LRRTM3: variants seen among roughly 807,000 people sequenced by gnomAD.
LRRTM3 encodes leucine-rich repeat transmembrane neuronal protein 3.
Under a neutral mutation model 44.7 loss-of-function variants are expected in LRRTM3, and 24 were observed. The ratio of observed to expected loss-of-function variants is 0.54; its 90% CI spans 0.39 to 0.76. LRRTM3 has a LOEUF of 0.76. Among genes scored for constraint, LRRTM3 ranks in the 30% least tolerant of loss-of-function variants. The probability of loss-of-function intolerance (pLI) is 0.00; values close to 1 mark genes in which losing one functional copy is unlikely to be tolerated. For missense variants in LRRTM3, 587 were observed against 702.2 expected (o/e 0.84, Z 1.85); for synonymous variants, 277 against 278.7 (o/e 0.99, Z 0.06).
At chr10:66,950,518 C>T (rs572087756) in intron 2 of LRRTM3, among the ~76,000 whole-genome samples, 68 of 152,104 alleles carry the variant, frequency 4.5e-4, no homozygotes, top group African/African-American at 1.6e-3. Flanking sequence ...CCTTATTTCC[C>T]TATCTTTGTC....
intron 2 of LRRTM3, among the ~76,000 whole-genome samples, chr10:66,984,991 T>G (rs1472608373): frequency 6.6e-6 from 1 of 152,154 alleles, no homozygotes; most frequent in Non-Finnish European, 1.5e-5. Context: ...TCTTCTTCAC[T>G]ACTGTTGAGC....
At chr10:67,003,643 T>G (rs1226744129) in intron 2 of LRRTM3, among the ~76,000 whole-genome samples, 2 of 152,192 alleles carry the variant, frequency 1.3e-5, no homozygotes, top group Non-Finnish European at 2.9e-5. Context: ...TCATATTACT[T>G]TTTCAAGTGA....
At chr10:66,962,274 C>G (rs1344326084) in intron 2 of LRRTM3, among the ~76,000 whole-genome samples, 1 of 152,110 alleles carries the variant, frequency 6.6e-6, no homozygotes, top group African/African-American at 2.4e-5. Context: ...CACCCACTAG[C>G]CTCTCTTTGG....
At chr10:66,948,343 G>A (rs2132709838) in intron 2 of LRRTM3, among the ~76,000 whole-genome samples, 1 of 152,258 alleles carries the variant, frequency 6.6e-6, no homozygotes, top group Admixed American at 6.5e-5. Context: ...TTTCCAACAA[G>A]CAAAATGGAC....
At chr10:67,025,338 A>C (rs753016095) in intron 2 of LRRTM3, among the ~76,000 whole-genome samples, 35 of 151,882 alleles carry the variant, frequency 2.3e-4, no homozygotes, top group Admixed American at 9.8e-4. Flanking sequence ...TGCAAAAAAA[A>C]AAACTCCTCT....
intron 2 of LRRTM3, among the ~76,000 whole-genome samples, chr10:67,008,498 A>AT (rs1202852732): frequency 6.6e-5 from 10 of 151,272 alleles, no homozygotes; most frequent in Non-Finnish European, 1.2e-4. Context: ...TGGCTATTCA[A>AT]TTTTTTTTTA....
chr10:66,928,014 A>T lies in LRRTM3; in HGVS notation c.1098A>T (p.Thr366=). 6.2e-7 allele frequency: 1 copy of T among 1,614,204 alleles called. No individual in the cohort carries two copies. ...KNYSICGKST[T]ERFDLARALP... ...ACAGCATCTGTGGCAAAAGTACTAC[A>T]GAGAGGTTTGATCTGGCCAGGGCTC... The change falls in exon 2 of 3, where the codon ACA becomes ACT. Residue 366 remains threonine, a synonymous_variant. Transcript: ENST00000361320.
intron 2 of LRRTM3, among the ~76,000 whole-genome samples, chr10:66,998,901 C>T (rs963351393): frequency 9.2e-5 from 14 of 152,180 alleles, no homozygotes; most frequent in African/African-American, 3.1e-4. Context: ...TTAGAGAACA[C>T]ACATTCACTT....
intron 2 of LRRTM3, among the ~76,000 whole-genome samples, chr10:66,975,645 C>A (rs1421173998): frequency 1.3e-5 from 2 of 152,134 alleles, no homozygotes; most frequent in Non-Finnish European, 2.9e-5. Flanking sequence ...TATAACTTTT[C>A]AGGATTAGTG....
chr10:67,003,805 T>C (rs1052257503), intron 2 of LRRTM3, among the ~76,000 whole-genome samples: 2 of 152,196 alleles, frequency 1.3e-5, no homozygotes, highest in African/African-American at 4.8e-5. Flanking sequence ...ATTTTGTTAA[T>C]AGATTCATGT....
rs1246070739 is a variant in LRRTM3, at chr10:67,098,184, CTT to C, written c.*390_*391del. 2 of 159,068 alleles carry C rather than the reference CTT, an allele frequency of 1.3e-5. No homozygotes were observed. The highest frequency in any genetic ancestry group is 2.8e-5 in the Non-Finnish European group (2 of 72,300). The allele number at this position is 159,068 out of a possible 1,614,324, so 9.9% of individuals were successfully genotyped here. Reference sequence around the variant, plus strand: ...ATTTAATTACATTTTACTTTAAAAACTTTACACATTTCAGTTTCTAAAATTTT... The same window carrying C: ...ATTTAATTACATTTTACTTTAAAAACTACACATTTCAGTTTCTAAAATTTT... On this transcript the variant is annotated 3_prime_UTR_variant, in exon 3 of 3. Coordinates refer to ENST00000361320, the MANE Select transcript of LRRTM3 (RefSeq NM_178011.5).
At chr10:66,966,477 T>C (rs1348578075) in intron 2 of LRRTM3, among the ~76,000 whole-genome samples, 3 of 93,042 alleles carry the variant, frequency 3.2e-5, no homozygotes, top group Admixed American at 2.8e-4. Context: ...AACTCGGCTA[T>C]GTAATATATT....
At chr10:66,988,440 T>C (rs759049769) in intron 2 of LRRTM3, among the ~76,000 whole-genome samples, 20 of 152,198 alleles carry the variant, frequency 1.3e-4, no homozygotes, top group Admixed American at 1.3e-4. Context: ...AGTATACATC[T>C]TTTACTGACA....
chr10:67,003,430 G>A (rs1218963986), intron 2 of LRRTM3, among the ~76,000 whole-genome samples: 1 of 152,022 alleles, frequency 6.6e-6, no homozygotes, highest in Non-Finnish European at 1.5e-5. Flanking sequence ...TCAGTCTTAG[G>A]GGATATTGCT....
At chr10:67,020,965 CTAGT>C (rs1479435422) in intron 2 of LRRTM3, among the ~76,000 whole-genome samples, 7 of 152,136 alleles carry the variant, frequency 4.6e-5, no homozygotes, top group Admixed American at 1.3e-4. Context: ...GGCTAGAAGG[CTAGT>C]TAAACCTTGA....
chr10:66,984,902 TTTTG>T (rs1850641161), intron 2 of LRRTM3, among the ~76,000 whole-genome samples: 2 of 152,226 alleles, frequency 1.3e-5, no homozygotes, highest in South Asian at 2.1e-4. Context: ...GGTGCTTTTT[TTTTG>T]TTTAAGTACA....
At chr10:66,981,269 A>T (rs1382130330) in intron 2 of LRRTM3, among the ~76,000 whole-genome samples, 2 of 152,220 alleles carry the variant, frequency 1.3e-5, no homozygotes, top group East Asian at 3.9e-4. Context: ...CATCCTAAAA[A>T]TGAATGATTA....
intron 2 of LRRTM3, among the ~76,000 whole-genome samples, chr10:67,002,411 A>C (rs1300676960): frequency 6.6e-6 from 1 of 152,158 alleles, no homozygotes; most frequent in Non-Finnish European, 1.5e-5. Context: ...GAAATGTTTT[A>C]ATTTTTAATG....
chr10:66,970,794 C>T (rs565590834), intron 2 of LRRTM3, among the ~76,000 whole-genome samples: 1 of 151,938 alleles, frequency 6.6e-6, no homozygotes, highest in African/African-American at 2.4e-5. Context: ...TTGAATTATA[C>T]CAAAAAAGAG....
Sources: allele counts gnomAD v4.1 joint callset (sites outside exome capture counted in the v4.1 genomes callset), GRCh38; gene constraint gnomAD v4.1.1; transcripts MANE v1.5; gene names NCBI Gene and HGNC (gene_info 2026-07-23, HGNC 2026-07-21).